Variants in HOXC12 observed in about 807,000 individuals in gnomAD.
The protein encoded by HOXC12 is homeobox protein Hox-C12.
Under a neutral mutation model 20.9 loss-of-function variants are expected in HOXC12, and 24 were observed. The ratio of observed to expected loss-of-function variants is 1.15; its 90% CI spans 0.83 to 1.61. HOXC12 has a LOEUF of 1.61. Ranked by LOEUF, HOXC12 falls within the 40% of genes most tolerant of loss-of-function variation. The pLI is 0.00. For missense variants in HOXC12, 436 were observed against 406.9 expected, an observed-to-expected ratio of 1.07 and a Z score of -0.62; for synonymous variants, 202 against 197.7, an observed-to-expected ratio of 1.02 and a Z score of -0.18.
Position 53,955,144 on chromosome 12 carries a change from C to G in HOXC12, c.215C>G (p.Pro72Arg). The change falls in exon 1 of 2, where the codon CCA becomes CGA. Residue 72 changes from proline to arginine, a missense_variant. Physicochemically the swap from Pro to Arg is moderately radical, Grantham distance 103. Transcript: ENST00000243103. ...NGYPQPYLGS[P>R]VSLNPPFGRT... Reference sequence around the variant, plus strand: ...TACCCGCAGCCCTACCTCGGCAGCCCAGTGTCTCTCAACCCTCCCTTCGGC... The same window carrying G: ...TACCCGCAGCCCTACCTCGGCAGCCGAGTGTCTCTCAACCCTCCCTTCGGC... 6.2e-7 allele frequency: 1 copy of G among 1,610,712 alleles called. No homozygotes were observed. The highest frequency in any genetic ancestry group is 8.5e-7 in the Non-Finnish European group (1 of 1,178,958).
In HOXC12 at chr12:53,956,408, G is replaced by A; in HGVS notation, c.691G>A (p.Gly231Ser). 6.2e-7 allele frequency: 1 copy of A among 1,613,884 alleles called. No homozygotes were observed. The highest frequency in any genetic ancestry group is 8.5e-7 in the Non-Finnish European group (1 of 1,179,914). Reference sequence around the variant, plus strand: ...GAAGTTGCAACTGGCAGAGCTGGAGGGCGAGTTTCTGGTCAACGAGTTCAT... The same window carrying A: ...GAAGTTGCAACTGGCAGAGCTGGAGAGCGAGTTTCTGGTCAACGAGTTCAT... Reference protein sequence around the residue: ...YSKLQLAELEGEFLVNEFITR... With the variant: ...YSKLQLAELESEFLVNEFITR... Residue 231 changes from glycine (G) to serine (S), a missense_variant, in exon 2 of 2, where the codon GGC becomes AGC. Physicochemically the swap from Gly to Ser is moderately conservative, Grantham distance 56 (BLOSUM62 0). Transcript: ENST00000243103.
Position 53,955,537 on chromosome 12 carries a change from G to A in HOXC12, c.608G>A (p.Ser203Asn), listed in dbSNP as rs1465060865. 2 of 1,453,888 alleles carry A rather than the reference G, an allele frequency of 1.4e-6. No homozygotes were observed. Among genetic ancestry groups the A allele is most frequent in the Non-Finnish European group, 1.8e-6 (2 of 1,105,918 alleles). 90.1% of individuals were successfully genotyped at this position (1,453,888 alleles called of 1,614,324 possible). ...PLNPGGGLSA[S>N]GAPWYPINSR... is the part of the protein sequence containing the mutation. ...AACCCCGGCGGCGGGCTCTCGGCCA[G>A]CGGTAAGGACCCCGGCCACTCAAGC... is the stretch of plus-strand genomic sequence containing the variant. Residue 203 changes from serine (S) to asparagine (N), a missense_variant and splice_region_variant, in exon 1 of 2, where the codon AGC becomes AAC. By Grantham distance (46) the Ser-to-Asn change is conservative. Transcript: ENST00000243103.
Position 53,955,538 on chromosome 12 carries a change from C to T in HOXC12, c.609C>T (p.Ser203=). 3 of 1,439,886 alleles carry T rather than the reference C, an allele frequency of 2.1e-6. No homozygotes were observed. The highest frequency in any genetic ancestry group is 2.7e-6 in the Non-Finnish European group (3 of 1,098,466). The allele number at this position is 1,439,886 out of a possible 1,614,324, so 89.2% of individuals were successfully genotyped here. The part of the protein sequence containing the change: ...PLNPGGGLSA[S]GAPWYPINSR... ...ACCCCGGCGGCGGGCTCTCGGCCAG[C>T]GGTAAGGACCCCGGCCACTCAAGCG... The change falls in exon 1 of 2, where the codon AGC becomes AGT. Residue 203 remains serine (S), a splice_region_variant and synonymous_variant. Transcript: ENST00000243103.
rs1938865419 is a variant in HOXC12, at chr12:53,956,354, C to T, written c.637C>T (p.Arg213Cys). 1 of 1,599,652 alleles carries T rather than the reference C, an allele frequency of 6.3e-7. No homozygotes were observed. The highest frequency in any genetic ancestry group is 8.5e-7 in the Non-Finnish European group (1 of 1,172,794). Residue 213 changes from arginine to cysteine, a missense_variant, in exon 2 of 2, where the codon CGC (arginine) becomes TGC (cysteine). Arg to Cys is a radical substitution (Grantham distance 180). Coordinates refer to ENST00000243103, the MANE Select transcript of HOXC12 (RefSeq NM_173860.3). ...SGAPWYPINS[R>C]SRKKRKPYSK... Reference sequence around the variant, plus strand: ...CGCGCCCTGGTACCCGATCAACAGCCGCTCTCGGAAGAAGCGCAAGCCCTA... The same window carrying T: ...CGCGCCCTGGTACCCGATCAACAGCTGCTCTCGGAAGAAGCGCAAGCCCTA...
rs146523432 is a variant in HOXC12 at position 53,956,511 on chromosome 12, G to A, written c.794G>A (p.Arg265Gln). ...CAGGTCAAGATCTGGTTTCAGAACC[G>A]GAGAATGAAAAAGAAAAGACTTCTG... ...DQQVKIWFQNRRMKKKRLLLR... is the reference protein window; with the variant it reads ...DQQVKIWFQNQRMKKKRLLLR... The change falls in exon 2 of 2, where the codon CGG becomes CAG. Residue 265 changes from arginine (R) to glutamine (Q), a missense_variant. By Grantham distance (43) the Arg-to-Gln change is conservative. Transcript: ENST00000243103. 6.2e-6 allele frequency: 10 copies of A among 1,613,968 alleles called. No homozygotes were observed. The highest frequency in any genetic ancestry group is 4.4e-5 in the South Asian group (4 of 91,058).
Position 53,956,935 on chromosome 12 carries a change from A to G in HOXC12, c.*369A>G. 1 of 175,436 alleles carries G rather than the reference A, an allele frequency of 5.7e-6. No homozygotes were observed. Among genetic ancestry groups the G allele is most frequent in the South Asian group, 1.8e-4 (1 of 5,550 alleles). 10.9% of individuals were successfully genotyped at this position (175,436 alleles called of 1,614,324 possible). ...TGTCCCCTTCCTCTACTTCCCTTCC[A>G]TGGTCTTAATTCTCTTTGCCGTCAG... On this transcript the variant is annotated 3_prime_UTR_variant, in exon 2 of 2. Transcript: ENST00000243103.
At position 53,957,114 on chromosome 12, in the gene HOXC12, G is replaced by A. The variant is rs1010283116; in HGVS notation, c.*548G>A. On this transcript the variant is annotated 3_prime_UTR_variant, in exon 2 of 2. Transcript: ENST00000243103. Reference sequence around the variant, plus strand: ...AGGGCTGGAGGAAGTGGGGAACCAAGGAGGAAGTGTGGTTTGTGAGAAAAT... The same window carrying A: ...AGGGCTGGAGGAAGTGGGGAACCAAAGAGGAAGTGTGGTTTGTGAGAAAAT... 1 of 152,762 alleles carries A rather than the reference G, an allele frequency of 6.5e-6. No homozygotes were observed. Among genetic ancestry groups the A allele is most frequent in the Admixed American group, 6.5e-5 (1 of 15,284 alleles). 9.5% of individuals were successfully genotyped at this position (152,762 alleles called of 1,614,324 possible). A position where few individuals can be genotyped will look rare whatever the true frequency, so the allele number is the denominator to read the frequency against.
rs1265017442 is a variant in HOXC12, at chr12:53,958,050, C to T, written c.*1484C>T. The T allele has an allele frequency of 6.6e-6, 1 of 152,628 alleles. No homozygotes were observed. Among genetic ancestry groups the T allele is most frequent in the African/African-American group, 2.4e-5 (1 of 41,472 alleles). 9.5% of individuals were successfully genotyped at this position (152,628 alleles called of 1,614,324 possible). On this transcript the variant is annotated 3_prime_UTR_variant, in exon 2 of 2. Transcript: ENST00000243103. ...CTTCTCCCCAAGAGTCCCCCAGCCT[C>T]CCATCTGCTGTCCGGCCCTTTCCAG...
rs1474776180 is a variant in HOXC12 at position 53,958,399 on chromosome 12, CG to C, written c.*1834del. ...GATAAAATCACATGCCTCCATCCCC[CG>C]CTGGGTATCTGACACCTGACAATTC... On this transcript the variant is annotated 3_prime_UTR_variant, in exon 2 of 2. Coordinates refer to ENST00000243103, the MANE Select transcript of HOXC12 (RefSeq NM_173860.3). 1.3e-5 allele frequency: 2 copies of C among 152,466 alleles called. No homozygotes were observed. The highest frequency in any genetic ancestry group is 3.9e-4 in the East Asian group (2 of 5,192). 9.4% of individuals were successfully genotyped at this position (152,466 alleles called of 1,614,324 possible).
Position 53,956,409 on chromosome 12 carries a change from G to A in HOXC12, c.692G>A (p.Gly231Asp). The change falls in exon 2 of 2, where the codon GGC becomes GAC. Residue 231 changes from glycine to aspartate, a missense_variant. Gly to Asp is a moderately conservative substitution (Grantham distance 94). Coordinates refer to ENST00000243103, the MANE Select transcript of HOXC12 (RefSeq NM_173860.3). ...AAGTTGCAACTGGCAGAGCTGGAGG[G>A]CGAGTTTCTGGTCAACGAGTTCATC... ...YSKLQLAELE[G>D]EFLVNEFITR... 6.2e-7 allele frequency: 1 copy of A among 1,613,882 alleles called. No homozygotes were observed. Among genetic ancestry groups the A allele is most frequent in the Non-Finnish European group, 8.5e-7 (1 of 1,179,906 alleles).
At position 53,955,210 on chromosome 12, in the gene HOXC12, A is replaced by C. The variant is rs760877035; in HGVS notation, c.281A>C (p.Tyr94Ser). Residue 94 changes from tyrosine to serine, a missense_variant, in exon 1 of 2, where the codon TAC (tyrosine) becomes TCC (serine). Coordinates refer to ENST00000243103, the MANE Select transcript of HOXC12 (RefSeq NM_173860.3). ...GCGCGCGTGGAGGACGGCAAGGGTT[A>C]CTACCGCGAGCCGTGCGCCGAGGGT... is the stretch of plus-strand genomic sequence containing the variant. ...ELARVEDGKGYYREPCAEGGG... is the reference protein window; with the variant it reads ...ELARVEDGKGSYREPCAEGGG... The C allele has an allele frequency of 3.1e-6, 5 of 1,607,542 alleles. No homozygotes were observed. In the African/African-American group the frequency reaches 6.7e-5, roughly 21 times the overall value.
At position 53,955,430 on chromosome 12, in the gene HOXC12, A is replaced by G. The variant is rs572639944; in HGVS notation, c.501A>G (p.Glu167=). The G allele has an allele frequency of 4.2e-4, 631 of 1,511,596 alleles. 1 individual carries two copies. In the African/African-American group the frequency reaches 8.3e-3, roughly 20 times the overall value. The allele number at this position is 1,511,596 out of a possible 1,614,324, so 93.6% of individuals were successfully genotyped here. The change falls in exon 1 of 2, where the codon GAA becomes GAG. Residue 167 remains glutamate (E), a synonymous_variant. Transcript: ENST00000243103. ...PHDPPSCQSL[E]SDSSSSLLNE... is the part of the protein sequence containing the mutation. ...ACCCGCCCTCCTGCCAGTCGCTGGAATCCGACTCCAGTTCGTCCCTGCTCA... is the reference window on the plus strand; with the variant it reads ...ACCCGCCCTCCTGCCAGTCGCTGGAGTCCGACTCCAGTTCGTCCCTGCTCA...
Position 53,955,362 on chromosome 12 carries a change from G to A in HOXC12, c.433G>A (p.Gly145Ser), listed in dbSNP as rs1378564109. 8.3e-6 allele frequency: 12 copies of A among 1,451,298 alleles called. No individual in the cohort carries two copies. The East Asian group carries it at 3.6e-4, about 43-fold the overall frequency. The allele number at this position is 1,451,298 out of a possible 1,614,324, so 89.9% of individuals were successfully genotyped here. A position where few individuals can be genotyped will look rare whatever the true frequency, so the allele number is the denominator to read the frequency against. The change falls in exon 1 of 2, where the codon GGC becomes AGC. Residue 145 changes from glycine (G) to serine (S), a missense_variant. Transcript: ENST00000243103. The part of the protein sequence containing the change: ...LGFKYDYAAG[G>S]GGGDGGGGAG... ...CTTCAAGTACGACTACGCGGCGGGC[G>A]GCGGCGGTGGCGACGGCGGCGGCGG...
At position 53,955,282 on chromosome 12, in the gene HOXC12, C is replaced by A. The variant is rs897820671; in HGVS notation, c.353C>A (p.Ala118Asp). Residue 118 changes from alanine (A) to aspartate (D), a missense_variant, in exon 1 of 2, where the codon GCC (alanine) becomes GAC (aspartate). Ala to Asp is a moderately radical substitution (Grantham distance 126). Coordinates refer to ENST00000243103, the MANE Select transcript of HOXC12 (RefSeq NM_173860.3). ...GAGGAGCGCGGGCGCGACCCGGGAG[C>A]CGGGCCCGGGGCAGCGCTGCTCCCG... is the stretch of plus-strand genomic sequence containing the variant. ...KREERGRDPG[A>D]GPGAALLPLE... 17 of 1,434,652 alleles carry A rather than the reference C, an allele frequency of 1.2e-5. No individual in the cohort carries two copies. Among genetic ancestry groups the A allele is most frequent in the Non-Finnish European group, 1.5e-5 (16 of 1,100,706 alleles). The allele number at this position is 1,434,652 out of a possible 1,614,324, so 88.9% of individuals were successfully genotyped here. A position where few individuals can be genotyped will look rare whatever the true frequency, so the allele number is the denominator to read the frequency against.
chr12:53,955,858 TC>T (rs1285933073), intron 1 of HOXC12, among the ~76,000 whole-genome samples: 1 of 151,972 alleles, frequency 6.6e-6, no homozygotes, highest in Non-Finnish European at 1.5e-5. Flanking sequence ...CAGGCGCCTC[TC>T]CCTCCACCTT....
At position 53,954,962 on chromosome 12, in the gene HOXC12, T is replaced by G; in HGVS notation, c.33T>G (p.Phe11Leu). 6.2e-7 allele frequency: 1 copy of G among 1,613,482 alleles called. No homozygotes were observed. The highest frequency in any genetic ancestry group is 1.3e-5 in the African/African-American group (1 of 75,058). Residue 11 changes from phenylalanine to leucine, a missense_variant, in exon 1 of 2, where the codon TTT becomes TTG. Phe to Leu is a conservative substitution (Grantham distance 22). Coordinates refer to ENST00000243103, the MANE Select transcript of HOXC12 (RefSeq NM_173860.3). ...AGCATAATCTCCTGAATCCCGGGTTTGTGGGGCCGCTGGTAAACATCCACA... is the reference window on the plus strand; with the variant it reads ...AGCATAATCTCCTGAATCCCGGGTTGGTGGGGCCGCTGGTAAACATCCACA... MGEHNLLNPGFVGPLVNIHTG... is the reference protein window; with the variant it reads MGEHNLLNPGLVGPLVNIHTG...
chr12:53,955,370 TGGCGACGGCGGCGGCGGC>T lies in HOXC12; in HGVS notation c.443_460del (p.Gly148_Gly153del). The T allele has an allele frequency of 1.4e-6, 2 of 1,380,490 alleles. No individual in the cohort carries two copies. Among genetic ancestry groups the T allele is most frequent in the East Asian group, 3.7e-5 (1 of 27,372 alleles). The allele number at this position is 1,380,490 out of a possible 1,614,324, so 85.5% of individuals were successfully genotyped here. ...ACGACTACGCGGCGGGCGGCGGCGG[TGGCGACGGCGGCGGCGGC>T]GCAGGACCTCCGCACGACCCGCCCT... On this transcript the variant is annotated inframe_deletion, in exon 1 of 2. Coordinates refer to ENST00000243103, the MANE Select transcript of HOXC12 (RefSeq NM_173860.3).
rs760134308 is a variant in HOXC12 at position 53,956,428 on chromosome 12, G to T, written c.711G>T (p.Glu237Asp). Reference sequence around the variant, plus strand: ...TGGAGGGCGAGTTTCTGGTCAACGAGTTCATCACACGCCAGCGCCGGAGGG... The same window carrying T: ...TGGAGGGCGAGTTTCTGGTCAACGATTTCATCACACGCCAGCGCCGGAGGG... ...AELEGEFLVN[E>D]FITRQRRREL... Residue 237 changes from glutamate to aspartate, a missense_variant, in exon 2 of 2, where the codon GAG becomes GAT. Physicochemically the swap from Glu to Asp is conservative, Grantham distance 45 (BLOSUM62 2). Coordinates refer to ENST00000243103, the MANE Select transcript of HOXC12 (RefSeq NM_173860.3). The T allele has an allele frequency of 1.2e-6, 2 of 1,614,130 alleles. No individual in the cohort carries two copies. The highest frequency in any genetic ancestry group is 1.1e-5 in the South Asian group (1 of 91,070).
Position 53,955,669 on chromosome 12 carries a change from G to A in HOXC12, c.610+130G>A, listed in dbSNP as rs1293107849. The A allele has an allele frequency of 1.4e-5, 15 of 1,074,924 alleles. No individual in the cohort carries two copies. The East Asian group carries it at 2.6e-4, about 19-fold the overall frequency. 66.6% of individuals were successfully genotyped at this position (1,074,924 alleles called of 1,614,324 possible). ...GAGGAAGAGCTTCTTATAAAATGAA[G>A]TGCGGGTGGGGGGAGCCTATAAACA... On this transcript the variant is annotated intron_variant, in intron 1 of 1. Transcript: ENST00000243103.
Sources: allele counts gnomAD v4.1 joint callset (sites outside exome capture counted in the v4.1 genomes callset), GRCh38; gene constraint gnomAD v4.1.1; transcripts MANE v1.5; gene names NCBI Gene and HGNC (gene_info 2026-07-23, HGNC 2026-07-21).